The following CNTNAP2 variants were observed in gnomAD, a reference collection of about 807,000 sequenced individuals.
CNTNAP2 encodes contactin-associated protein-like 2.
A neutral mutation model predicts 155.2 loss-of-function variants in CNTNAP2; 98 were observed. The ratio of observed to expected loss-of-function variants is 0.63; its 90% CI spans 0.54 to 0.75. CNTNAP2 has a LOEUF of 0.75. CNTNAP2 is among the 30% of genes least tolerant of loss of function. The pLI is 0.00. For missense variants in CNTNAP2, 1,727 were observed against 1,688.1 expected, an observed-to-expected ratio of 1.02 and a Z score of -0.40; for synonymous variants, 651 against 631.2, an observed-to-expected ratio of 1.03 and a Z score of -0.47.
At chr7:147,873,125 C>G (rs190192666) in intron 13 of CNTNAP2, among the ~76,000 whole-genome samples, 1 of 152,304 alleles carries the variant, frequency 6.6e-6, no homozygotes, top group African/African-American at 2.4e-5. Context: ...GAATAGGAAT[C>G]CACGCTCCAG....
chr7:146,902,496 C>T (rs1398136675), intron 3 of CNTNAP2, among the ~76,000 whole-genome samples: 1 of 152,126 alleles, frequency 6.6e-6, no homozygotes, highest in Non-Finnish European at 1.5e-5. Flanking sequence ...AAGTTTCCAC[C>T]ACATTGTAAT....
chr7:147,726,427 A>T (rs543288138), intron 13 of CNTNAP2, among the ~76,000 whole-genome samples: 8 of 152,058 alleles, frequency 5.3e-5, no homozygotes, highest in African/African-American at 1.7e-4. Context: ...AGGTTTATCC[A>T]TAGAGCCAGT....
chr7:148,310,161 C>T (rs1372366964), intron 21 of CNTNAP2, among the ~76,000 whole-genome samples: 1 of 152,032 alleles, frequency 6.6e-6, no homozygotes, highest in African/African-American at 2.4e-5. Context: ...ATTGGGAGGA[C>T]CTAGGACATC....
At chr7:147,234,587 C>A (rs1000702255) in intron 8 of CNTNAP2, among the ~76,000 whole-genome samples, 5 of 152,078 alleles carry the variant, frequency 3.3e-5, no homozygotes, top group African/African-American at 1.2e-4. Flanking sequence ...GATGTGCCCG[C>A]CTCAGCCTCC....
chr7:147,849,732 G>A (rs1798890093), intron 13 of CNTNAP2, among the ~76,000 whole-genome samples: 1 of 152,228 alleles, frequency 6.6e-6, no homozygotes, highest in Non-Finnish European at 1.5e-5. Flanking sequence ...ACCCAGCCAT[G>A]CCCTTTCTGT....
Position 147,925,206 on chromosome 7 carries a change from G to GGAAA in CNTNAP2, c.2255+21489_2255+21492dup, listed in dbSNP as rs1554450412. Among the ~76,000 whole-genome samples, 921 of 122,142 alleles carry GGAAA rather than the reference G, an allele frequency of 7.5e-3. 12 individuals carry two copies. Among genetic ancestry groups the GGAAA allele is most frequent in the African/African-American group, 0.025 (838 of 33,336 alleles). The allele number at this position is 122,142 out of a possible 152,430, so 80.1% of individuals were successfully genotyped here. A position where few individuals can be genotyped will look rare whatever the true frequency, so the allele number is the denominator to read the frequency against. On this transcript the variant is annotated intron_variant, in intron 14 of 23. Coordinates refer to ENST00000361727, the MANE Select transcript of CNTNAP2 (RefSeq NM_014141.6). ...AGGAAGGAAGGAAGGAAGGAAGGAAGGAAAGAAGGAGCAGTTTTAGGTTCA... is the reference window on the plus strand; with the variant it reads ...AGGAAGGAAGGAAGGAAGGAAGGAAGGAAAGAAAGAAGGAGCAGTTTTAGGTTCA...
intron 1 of CNTNAP2, among the ~76,000 whole-genome samples, chr7:146,406,430 T>A (rs1444171206): frequency 6.6e-6 from 1 of 152,226 alleles, no homozygotes; most frequent in African/African-American, 2.4e-5. Context: ...TTTTTGAACA[T>A]GATGCAATAT....
At chr7:147,597,913 A>G (rs1221889460) in intron 12 of CNTNAP2, among the ~76,000 whole-genome samples, 1 of 152,174 alleles carries the variant, frequency 6.6e-6, no homozygotes, top group Non-Finnish European at 1.5e-5. Context: ...TTAGTTCCCA[A>G]GGGCGTAGGT....
chr7:147,841,597 T>C (rs778926158), intron 13 of CNTNAP2, among the ~76,000 whole-genome samples: 1 of 152,198 alleles, frequency 6.6e-6, no homozygotes. Flanking sequence ...TTCACATTTC[T>C]AGCTCATGAG....
intron 21 of CNTNAP2, among the ~76,000 whole-genome samples, chr7:148,323,609 G>T (rs745332181): frequency 1.3e-5 from 2 of 151,864 alleles, no homozygotes; most frequent in Non-Finnish European, 2.9e-5. Flanking sequence ...ATCTAACTCC[G>T]TTGGACAGCT....
At chr7:147,617,878 G>T (rs1241646353) in intron 12 of CNTNAP2, among the ~76,000 whole-genome samples, 1 of 152,082 alleles carries the variant, frequency 6.6e-6, no homozygotes, top group Admixed American at 6.6e-5. Context: ...CCTTTAAGTG[G>T]TAGGGTTGCT....
intron 1 of CNTNAP2, among the ~76,000 whole-genome samples, chr7:146,441,378 ATC>A (rs1247228927): frequency 6.6e-6 from 1 of 151,466 alleles, no homozygotes; most frequent in Non-Finnish European, 1.5e-5. Context: ...TCCTCAAGTC[ATC>A]TCTCTATGCG....
chr7:148,083,102 C>T (rs1803648073), intron 15 of CNTNAP2, among the ~76,000 whole-genome samples: 1 of 152,056 alleles, frequency 6.6e-6, no homozygotes, highest in Non-Finnish European at 1.5e-5. Flanking sequence ...GTATACTGTC[C>T]ACTCCAGATC....
chr7:147,615,117 A>C (rs1801256481), intron 12 of CNTNAP2, among the ~76,000 whole-genome samples: 1 of 149,668 alleles, frequency 6.7e-6, no homozygotes, highest in Non-Finnish European at 1.5e-5. Context: ...AAAAGAAAAA[A>C]GCCTGATTTA....
intron 11 of CNTNAP2, among the ~76,000 whole-genome samples, chr7:147,513,680 G>T (rs1182138084): frequency 6.6e-6 from 1 of 152,204 alleles, no homozygotes; most frequent in East Asian, 1.9e-4. Context: ...AAAAATACAG[G>T]CTGCACAAGC....
rs191321362 is a variant in CNTNAP2, at chr7:147,603,497, G to A, written c.1898-35609G>A. On this transcript the variant is annotated intron_variant, in intron 12 of 23. Coordinates refer to ENST00000361727, the MANE Select transcript of CNTNAP2 (RefSeq NM_014141.6). ...TTGCTTCAAAGAGAATAAAATACCT[G>A]GGAATCCAACTTACAAGGGAAGTGA... is the stretch of plus-strand genomic sequence containing the variant. Among the ~76,000 whole-genome samples, 840 of 152,058 alleles carry A rather than the reference G, an allele frequency of 5.5e-3. 6 individuals carry two copies. Among genetic ancestry groups the A allele is most frequent in the African/African-American group, 0.019 (796 of 41,500 alleles).
In CNTNAP2 at chr7:146,671,048, C is replaced by T. The variant is rs114274311; in HGVS notation, c.98-103223C>T. Among the ~76,000 whole-genome samples the T allele has an allele frequency of 3.8e-3, 584 of 152,336 alleles. 4 individuals carry two copies. The highest frequency in any genetic ancestry group is 0.013 in the African/African-American group (534 of 41,594). Reference sequence around the variant, plus strand: ...ACTTCAAAGGTGCCATCCAGCTCCTCAAATTCTTGACCAGGACAGCTTATC... The same window carrying T: ...ACTTCAAAGGTGCCATCCAGCTCCTTAAATTCTTGACCAGGACAGCTTATC... On this transcript the variant is annotated intron_variant, in intron 1 of 23. Coordinates refer to ENST00000361727, the MANE Select transcript of CNTNAP2 (RefSeq NM_014141.6).
chr7:148,032,423 CAG>C (rs1802494945), intron 15 of CNTNAP2, among the ~76,000 whole-genome samples: 1 of 152,236 alleles, frequency 6.6e-6, no homozygotes, highest in Admixed American at 6.5e-5. Flanking sequence ...GGGCAAGAGA[CAG>C]AGAGGGTAGG....
At chr7:146,414,997 T>A (rs1293482038) in intron 1 of CNTNAP2, among the ~76,000 whole-genome samples, 1 of 151,618 alleles carries the variant, frequency 6.6e-6, no homozygotes, top group Non-Finnish European at 1.5e-5. Flanking sequence ...GACTAATACT[T>A]GTAAAAAGTA....
Sources: allele counts gnomAD v4.1 joint callset (sites outside exome capture counted in the v4.1 genomes callset), GRCh38; gene constraint gnomAD v4.1.1; transcripts MANE v1.5; gene names NCBI Gene and HGNC (gene_info 2026-07-23, HGNC 2026-07-21).